TBC1D8: variants seen among roughly 807,000 people sequenced by gnomAD.
TBC1D8 encodes the protein TBC1 domain family member 8.
Under a neutral mutation model 118.8 loss-of-function variants are expected in TBC1D8, and 65 were observed. That is an observed-to-expected ratio of 0.55 (90% CI 0.45 to 0.67). The LOEUF is 0.67. TBC1D8 is among the 30% of genes least tolerant of loss of function. TBC1D8 has a pLI of 0.00. For synonymous variants in TBC1D8, 566 were observed against 595.8 expected (o/e 0.95, Z 0.73); for missense variants, 1,376 against 1,471.2 (o/e 0.94, Z 1.06).
chr2:101,013,565 G>A (rs899166342), intron 17 of TBC1D8, among the ~76,000 whole-genome samples: 2 of 152,190 alleles, frequency 1.3e-5, no homozygotes, highest in Non-Finnish European at 2.9e-5. Flanking sequence ...TCAGACTTCT[G>A]TTTGAAGGTA....
chr2:101,086,256 A>G (rs1675615636), intron 2 of TBC1D8, among the ~76,000 whole-genome samples: 1 of 152,200 alleles, frequency 6.6e-6, no homozygotes, highest in African/African-American at 2.4e-5. Flanking sequence ...AGCTGAATGG[A>G]GAACACAGAT....
At chr2:101,050,359 C>T (rs1357224707) in intron 5 of TBC1D8, 42 bp downstream of exon 5, 1 of 1,589,612 alleles carries the variant, frequency 6.3e-7, no homozygotes, top group East Asian at 2.2e-5. Flanking sequence ...GCTTATGGGT[C>T]CCCCGTGCGG....
intron 15 of TBC1D8, among the ~76,000 whole-genome samples, chr2:101,026,397 C>G (rs867665995): frequency 6.6e-6 from 1 of 152,184 alleles, no homozygotes; most frequent in Non-Finnish European, 1.5e-5. Context: ...ATGATGTGTA[C>G]GGGAGAAAGC....
chr2:101,124,285 G>A (rs1198048751), intron 1 of TBC1D8, among the ~76,000 whole-genome samples: 1 of 152,156 alleles, frequency 6.6e-6, no homozygotes, highest in Non-Finnish European at 1.5e-5. Flanking sequence ...ATGTATAAAA[G>A]AATTGTCATG....
In TBC1D8 at chr2:101,038,662, G is replaced by A. The variant is rs780520508; in HGVS notation, c.1081-7C>T. The A allele has an allele frequency of 8.7e-6, 14 of 1,613,470 alleles. No homozygotes were observed. The highest frequency in any genetic ancestry group is 2.2e-5 in the East Asian group (1 of 44,886). On this transcript the variant is annotated splice_region_variant and splice_polypyrimidine_tract_variant and intron_variant, in intron 6 of 19. Coordinates refer to ENST00000409318, the MANE Select transcript of TBC1D8 (RefSeq NM_001330348.2). ...TCTTCTCGATGCTCACCACCTGCGC[G>A]AGAGGCAACATGCAGGGACAGAAGG...
In TBC1D8 at chr2:101,022,355, G is replaced by T; in HGVS notation, c.2687C>A (p.Ala896Asp). The T allele has an allele frequency of 6.2e-7, 1 of 1,612,568 alleles. No individual in the cohort carries two copies. The highest frequency in any genetic ancestry group is 8.5e-7 in the Non-Finnish European group (1 of 1,179,546). The part of the protein sequence containing the change: ...WTCGAHTEIL[A>D]ERTFRLLDDN... ...ATCCAAGAGCCTGAACGTCCTTTCG[G>T]CGAGGATCTCCGTGTGGGCCCCGCA... The change falls in exon 16 of 20, where the codon GCC becomes GAC. Residue 896 changes from alanine to aspartate, a missense_variant. Ala to Asp is a moderately radical substitution (Grantham distance 126). Coordinates refer to ENST00000409318, the MANE Select transcript of TBC1D8 (RefSeq NM_001330348.2).
chr2:101,011,400 C>A (rs375976446), intron 18 of TBC1D8, 51 bp downstream of exon 18: 5 of 1,573,930 alleles, frequency 3.2e-6, no homozygotes, highest in Non-Finnish European at 4.4e-6. Flanking sequence ...CGGTGCCTCC[C>A]GCCACTGCAG....
chr2:101,122,071 CTTTTTTTTTTTT>C (rs544230458), intron 1 of TBC1D8, among the ~76,000 whole-genome samples: 15 of 131,068 alleles, frequency 1.1e-4, no homozygotes, highest in Non-Finnish European at 1.8e-4. Flanking sequence ...ATTTCTTTTT[CTTTTTTTTTTTT>C]TTTTTCTGAG....
At chr2:101,122,075 T>C (rs1414977100) in intron 1 of TBC1D8, among the ~76,000 whole-genome samples, 1 of 149,680 alleles carries the variant, frequency 6.7e-6, no homozygotes, top group Admixed American at 6.6e-5. Flanking sequence ...CTTTTTCTTT[T>C]TTTTTTTTTT....
Position 101,079,680 on chromosome 2 carries a change from G to GTTTT in TBC1D8, c.283+10525_283+10528dup, listed in dbSNP as rs35466679. 1.4e-3 allele frequency among the ~76,000 whole-genome samples: 113 copies of GTTTT among 81,770 alleles called. 2 individuals are homozygous for GTTTT. Among genetic ancestry groups the GTTTT allele is most frequent in the East Asian group, 1.9e-3 (5 of 2,662 alleles). 53.6% of individuals were successfully genotyped at this position (81,770 alleles called of 152,430 possible). On this transcript the variant is annotated intron_variant, in intron 2 of 19. Coordinates refer to ENST00000409318, the MANE Select transcript of TBC1D8 (RefSeq NM_001330348.2). Reference sequence around the variant, plus strand: ...CGTTTGAGTCACTGGGTCCAGTCTGGTTTTTTTTTTTTTTTTTTTTTTTGA... The same window carrying GTTTT: ...CGTTTGAGTCACTGGGTCCAGTCTGGTTTTTTTTTTTTTTTTTTTTTTTTTTTGA...
At chr2:101,087,151 G>A (rs574663940) in intron 2 of TBC1D8, among the ~76,000 whole-genome samples, 2 of 152,134 alleles carry the variant, frequency 1.3e-5, no homozygotes, top group Admixed American at 1.3e-4. Flanking sequence ...CTCCTGGGCC[G>A]CACGCAACCA....
chr2:101,104,559 CA>C (rs1273796770), intron 1 of TBC1D8, among the ~76,000 whole-genome samples: 2 of 152,158 alleles, frequency 1.3e-5, no homozygotes, highest in Non-Finnish European at 2.9e-5. Flanking sequence ...GACTAAAAAG[CA>C]AAGGTAGTTC....
intron 5 of TBC1D8, among the ~76,000 whole-genome samples, chr2:101,041,282 A>G (rs1366928312): frequency 6.6e-6 from 1 of 152,244 alleles, no homozygotes; most frequent in Non-Finnish European, 1.5e-5. Flanking sequence ...GAAATAACCC[A>G]AGTGTCCATT....
chr2:101,019,150 T>C, intron 17 of TBC1D8: 1 of 1,454,116 alleles, frequency 6.9e-7, no homozygotes, highest in Non-Finnish European at 9.4e-7. Flanking sequence ...GTCTCCCATA[T>C]TACCCTGGCA....
In TBC1D8 at chr2:101,036,058, G is replaced by T; in HGVS notation, c.1563C>A (p.Ile521=). 4 of 1,614,008 alleles carry T rather than the reference G, an allele frequency of 2.5e-6. No individual in the cohort carries two copies. The highest frequency in any genetic ancestry group is 3.4e-6 in the Non-Finnish European group (4 of 1,179,898). The change falls in exon 9 of 20, where the codon ATC becomes ATA. Residue 521 remains isoleucine, a synonymous_variant. Coordinates refer to ENST00000409318, the MANE Select transcript of TBC1D8 (RefSeq NM_001330348.2). ...AGAGTCTCCCTCGCAAAGATTCAGG[G>T]ATGCCCATGGCTACGAGCTTCCGAA... is the stretch of plus-strand genomic sequence containing the variant. ...EKIRKLVAMG[I]PESLRGRLWL... is the part of the protein sequence containing the mutation.
chr2:101,126,946 C>T (rs1558722654), intron 1 of TBC1D8, among the ~76,000 whole-genome samples: 1 of 152,196 alleles, frequency 6.6e-6, no homozygotes, highest in Non-Finnish European at 1.5e-5. Flanking sequence ...TCATCTCCTT[C>T]GCAGATGTGG....
In TBC1D8 at chr2:101,027,442, C is replaced by G. The variant is rs201720097; in HGVS notation, c.2461G>C (p.Val821Leu). Residue 821 changes from valine (V) to leucine (L), a missense_variant, in exon 15 of 20, where the codon GTT (valine) becomes CTT (leucine). Physicochemically the swap from Val to Leu is conservative, Grantham distance 32. Transcript: ENST00000409318. ...GGAAGAATTGAGACTTCCGGGATAA[C>G]GACTCGAAGCTTGAGGAAAGAATAA... ...DTTKQNVLRV[V>L]IPEVSILPED... 1,258 of 1,612,822 alleles carry G rather than the reference C, an allele frequency of 7.8e-4. 1 individual carries two copies. The highest frequency in any genetic ancestry group is 1.5e-3 in the South Asian group (136 of 91,050).
chr2:101,028,576 T>C, intron 12 of TBC1D8, 144 bp from the exon 13 acceptor site: 1 of 1,259,696 alleles, frequency 7.9e-7, no homozygotes, highest in Non-Finnish European at 1.1e-6. Flanking sequence ...CTCGGCTTAT[T>C]TTAGAGAAGC....
chr2:101,057,775 G>A (rs796572786), intron 3 of TBC1D8, among the ~76,000 whole-genome samples: 1 of 152,150 alleles, frequency 6.6e-6, no homozygotes, highest in Non-Finnish European at 1.5e-5. Flanking sequence ...TGTGAGCCAC[G>A]ATTGCACCAC....
Sources: allele counts gnomAD v4.1 joint callset (sites outside exome capture counted in the v4.1 genomes callset), GRCh38; gene constraint gnomAD v4.1.1; transcripts MANE v1.5; gene names NCBI Gene and HGNC (gene_info 2026-07-23, HGNC 2026-07-21).